EHBP1: variants seen among roughly 807,000 people sequenced by gnomAD.
The protein encoded by EHBP1 is EH domain binding protein 1.
Under a neutral mutation model 144.0 loss-of-function variants are expected in EHBP1, and 55 were observed. The observed-to-expected ratio is 0.38, with a 90% CI of 0.31 to 0.48. EHBP1 has a LOEUF of 0.48. EHBP1 is among the 20% of genes least tolerant of loss of function. EHBP1 has a pLI of 0.98. For missense variants in EHBP1, 1,200 were observed against 1,364.2 expected (o/e 0.88, Z 1.90); for synonymous variants, 469 against 472.7 (o/e 0.99, Z 0.10).
chr2:62,793,237 A>G (rs934566817), intron 5 of EHBP1, among the ~76,000 whole-genome samples: 1 of 152,076 alleles, frequency 6.6e-6, no homozygotes, highest in African/African-American at 2.4e-5. Context: ...GATAGGTATA[A>G]AAGATCAATG....
chr2:62,895,342 C>G (rs1395439018), intron 10 of EHBP1, among the ~76,000 whole-genome samples: 1 of 151,948 alleles, frequency 6.6e-6, no homozygotes, highest in Non-Finnish European at 1.5e-5. Context: ...AGAGAATATC[C>G]TGAGCAACAG....
chr2:62,966,676 T>G (rs2058262079), intron 14 of EHBP1, among the ~76,000 whole-genome samples: 1 of 152,188 alleles, frequency 6.6e-6, no homozygotes, highest in African/African-American at 2.4e-5. Flanking sequence ...AAATATTCTT[T>G]TATAAGATAC....
intron 19 of EHBP1, among the ~76,000 whole-genome samples, chr2:63,007,457 G>A (rs1208432607): frequency 6.6e-6 from 1 of 151,744 alleles, no homozygotes; most frequent in East Asian, 1.9e-4. Context: ...AGGTATGTGT[G>A]TGTATAAAAT....
intron 4 of EHBP1, among the ~76,000 whole-genome samples, chr2:62,768,049 C>G (rs2041338504): frequency 1.3e-5 from 2 of 152,010 alleles, no homozygotes; most frequent in Non-Finnish European, 2.9e-5. Flanking sequence ...ATTCAAAGCA[C>G]TAAATACCCA....
Position 62,948,765 on chromosome 2 carries a change from C to G in EHBP1, c.1919C>G (p.Thr640Arg), listed in dbSNP as rs748649371. 1 of 1,614,100 alleles carries G rather than the reference C, an allele frequency of 6.2e-7. No individual in the cohort carries two copies. Among genetic ancestry groups the G allele is most frequent in the African/African-American group, 1.3e-5 (1 of 75,040 alleles). ...GATGACCCTGGAATATGTTCCAATA[C>G]AGATTCAACCCAAGCACAGGTTTTG... The part of the protein sequence containing the change: ...GSDDPGICSN[T>R]DSTQAQVLLG... The change falls in exon 13 of 23, where the codon ACA becomes AGA. Residue 640 changes from threonine to arginine, a missense_variant. By Grantham distance (71) the Thr-to-Arg change is moderately conservative. This residue lies in a region of EHBP1 where 543 missense variants were observed against 513.1 expected (regional missense o/e 1.06). Coordinates refer to ENST00000431489, the MANE Select transcript of EHBP1 (RefSeq NM_001142616.3).
chr2:63,033,818 T>C (rs1408532674), intron 19 of EHBP1, among the ~76,000 whole-genome samples: 2 of 152,158 alleles, frequency 1.3e-5, no homozygotes, highest in Admixed American at 6.5e-5. Context: ...GTAGTTGATA[T>C]TGTCAGTTAA....
intron 7 of EHBP1, among the ~76,000 whole-genome samples, chr2:62,857,268 T>C (rs993593742): frequency 2.0e-5 from 3 of 152,230 alleles, no homozygotes; most frequent in African/African-American, 7.2e-5. Flanking sequence ...GGTATGCCTG[T>C]AGGTATTTGT....
intron 19 of EHBP1, among the ~76,000 whole-genome samples, chr2:63,002,817 T>C (rs1440546312): frequency 6.6e-6 from 1 of 152,130 alleles, no homozygotes; most frequent in Non-Finnish European, 1.5e-5. Flanking sequence ...GTAACTTCTA[T>C]TGCTGAGCTA....
rs2046000840 is a variant in EHBP1 at position 62,821,799 on chromosome 2, G to A, written c.313-4288G>A. ...TTCTTAGTTTTAGGGAGGAAAAAGT[G>A]GTGAAATTATCTAAATGCTTTTTTT... On this transcript the variant is annotated intron_variant, in intron 5 of 22. Coordinates refer to ENST00000431489, the MANE Select transcript of EHBP1 (RefSeq NM_001142616.3). 2.0e-5 allele frequency among the ~76,000 whole-genome samples: 3 copies of A among 152,020 alleles called. No homozygotes were observed. The South Asian group carries it at 6.2e-4, about 32-fold the overall frequency.
At chr2:62,915,306 T>C (rs564797919) in intron 10 of EHBP1, among the ~76,000 whole-genome samples, 1 of 152,248 alleles carries the variant, frequency 6.6e-6, no homozygotes, top group South Asian at 2.1e-4. Context: ...TCCATAATTA[T>C]TTCATAAAAG....
chr2:62,709,504 C>T (rs1466331047), intron 2 of EHBP1, among the ~76,000 whole-genome samples: 3 of 152,074 alleles, frequency 2.0e-5, no homozygotes, highest in Non-Finnish European at 4.4e-5. Context: ...CAGTTTGCAG[C>T]CTTCCTGGAA....
At chr2:62,736,599 A>G (rs2038161044) in intron 2 of EHBP1, among the ~76,000 whole-genome samples, 1 of 152,118 alleles carries the variant, frequency 6.6e-6, no homozygotes, top group Admixed American at 6.6e-5. Context: ...TCAGCTATTT[A>G]CAGTCTACCA....
At chr2:62,829,192 C>T (rs2046586331) in intron 6 of EHBP1, among the ~76,000 whole-genome samples, 1 of 151,644 alleles carries the variant, frequency 6.6e-6, no homozygotes, top group Non-Finnish European at 1.5e-5. Context: ...GAACTAATTC[C>T]TAACCAGTTA....
At chr2:62,807,399 T>G (rs976735227) in intron 5 of EHBP1, among the ~76,000 whole-genome samples, 2 of 152,032 alleles carry the variant, frequency 1.3e-5, no homozygotes, top group African/African-American at 2.4e-5. Flanking sequence ...AAATACAAAA[T>G]TAGCTGGGTG....
chr2:62,891,411 G>GAAGAGC (rs959040413), intron 10 of EHBP1, among the ~76,000 whole-genome samples: 3 of 152,070 alleles, frequency 2.0e-5, no homozygotes, highest in African/African-American at 7.2e-5. Flanking sequence ...TGAAAGGCTT[G>GAAGAGC]AAGAGCAAGC....
chr2:62,979,118 G>T (rs2058843667), intron 14 of EHBP1, 70 bp from the exon 15 acceptor site: 1 of 1,508,312 alleles, frequency 6.6e-7, no homozygotes, highest in Non-Finnish European at 9.0e-7. Flanking sequence ...TTACTATCAT[G>T]ATGATCAGAT....
At chr2:62,821,332 A>G (rs2045965130) in intron 5 of EHBP1, among the ~76,000 whole-genome samples, 1 of 152,208 alleles carries the variant, frequency 6.6e-6, no homozygotes, top group African/African-American at 2.4e-5. Flanking sequence ...ACAATGAACT[A>G]TTATTCTGTA....
chr2:62,809,343 T>C (rs1467472410), intron 5 of EHBP1, among the ~76,000 whole-genome samples: 1 of 148,240 alleles, frequency 6.7e-6, no homozygotes, highest in Non-Finnish European at 1.5e-5. Context: ...CCTTGTGTTT[T>C]AAAATGGTTC....
At chr2:62,697,419 A>G (rs1192663470) in intron 1 of EHBP1, among the ~76,000 whole-genome samples, 1 of 152,206 alleles carries the variant, frequency 6.6e-6, no homozygotes, top group Admixed American at 6.5e-5. Context: ...ACAATAATAC[A>G]CATCTGATAA....
Sources: allele counts gnomAD v4.1 joint callset (sites outside exome capture counted in the v4.1 genomes callset), GRCh38; gene constraint gnomAD v4.1.1; regional missense constraint gnomAD v4.1.1; transcripts MANE v1.5; gene names NCBI Gene and HGNC (gene_info 2026-07-23, HGNC 2026-07-21).